POLA2: variants seen among roughly 807,000 people sequenced by gnomAD.
The protein encoded by POLA2 is DNA polymerase alpha 2, accessory subunit.
Under a neutral mutation model 82.8 loss-of-function variants are expected in POLA2, and 47 were observed. The observed-to-expected ratio is 0.57, with a 90% CI of 0.45 to 0.72. The LOEUF (loss-of-function observed/expected upper bound fraction) is 0.72. Ranked by LOEUF, POLA2 falls within the 30% of genes least tolerant of loss-of-function variation. The pLI, the probability that POLA2 is intolerant of heterozygous loss-of-function variation, is 0.00. For synonymous variants in POLA2, 287 were observed against 286.8 expected (o/e 1.00, Z -0.01); for missense variants, 634 against 728.1 (o/e 0.87, Z 1.49).
At chr11:65,281,775 C>G (rs763877979) in intron 9 of POLA2, 43 bp downstream of exon 9, 1 of 1,447,626 alleles carries the variant, frequency 6.9e-7, no homozygotes, top group South Asian at 1.1e-5. Context: ...TTGCTTCAGA[C>G]AAAGTATGTC....
At chr11:65,296,167 G>C in intron 17 of POLA2, 177 bp downstream of exon 17, 1 of 661,824 alleles carries the variant, frequency 1.5e-6, no homozygotes, top group Non-Finnish European at 2.7e-6. Flanking sequence ...AAACAACTCT[G>C]TCAGTAAAAT....
intron 13 of POLA2, among the ~76,000 whole-genome samples, chr11:65,292,679 C>G (rs913649092): frequency 6.6e-6 from 1 of 152,170 alleles, no homozygotes; most frequent in African/African-American, 2.4e-5. Context: ...ATGCAAACAC[C>G]TTTGGTCTCA....
chr11:65,287,748 G>A lies in POLA2; in HGVS notation c.1039G>A (p.Gly347Arg), dbSNP rs1424137321. 3 of 1,613,526 alleles carry A rather than the reference G, an allele frequency of 1.9e-6. No homozygotes were observed. In the African/African-American group the frequency reaches 4.0e-5, roughly 22 times the overall value. The change falls in exon 11 of 18, where the codon GGA (glycine) becomes AGA (arginine). Residue 347 changes from glycine (G) to arginine (R), a missense_variant. Transcript: ENST00000265465. The stretch of plus-strand genomic sequence containing the variant: ...GCAAAGCATGGTCCTGGTTGCCTGT[G>A]GACCATACACCACATCTGACAGCAT... ...FEQSMVLVACGPYTTSDSITY... is the reference protein window; with the variant it reads ...FEQSMVLVACRPYTTSDSITY...
chr11:65,287,312 C>G (rs1949707011), intron 10 of POLA2, among the ~76,000 whole-genome samples: 1 of 152,216 alleles, frequency 6.6e-6, no homozygotes, highest in African/African-American at 2.4e-5. Context: ...TCCAGCCACA[C>G]TGGACGACCA....
In POLA2 at chr11:65,295,536, C is replaced by T. The variant is rs539510071; in HGVS notation, c.1461-4C>T. ...CTGTTTTCATGCTTTCTTTTCTTTC[C>T]CAGTTCTTCCGGAACTTCAGACAGA... On this transcript the variant is annotated splice_region_variant and splice_polypyrimidine_tract_variant and intron_variant, in intron 15 of 17. Coordinates refer to ENST00000265465, the MANE Select transcript of POLA2 (RefSeq NM_002689.4). 2 of 1,613,074 alleles carry T rather than the reference C, an allele frequency of 1.2e-6. No homozygotes were observed. The highest frequency in any genetic ancestry group is 3.3e-5 in the Admixed American group (2 of 60,016).
chr11:65,272,596 A>G (rs1315900724), intron 4 of POLA2, among the ~76,000 whole-genome samples: 1 of 152,164 alleles, frequency 6.6e-6, no homozygotes, highest in African/African-American at 2.4e-5. Flanking sequence ...TGGCAATTAT[A>G]TTTCTAGTAA....
chr11:65,278,983 T>C, intron 6 of POLA2, 60 bp downstream of exon 6: 1 of 1,464,570 alleles, frequency 6.8e-7, no homozygotes, highest in Non-Finnish European at 9.3e-7. Flanking sequence ...GGGTGTAGAG[T>C]AACAAAGCTT....
chr11:65,274,150 G>T (rs760062288), intron 4 of POLA2, among the ~76,000 whole-genome samples: 1 of 151,868 alleles, frequency 6.6e-6, no homozygotes, highest in Non-Finnish European at 1.5e-5. Context: ...TCAGGAGTTC[G>T]AGACCAGCCT....
Position 65,305,228 on chromosome 11 carries a change from C to T in POLA2, c.657-145C>T, listed in dbSNP as rs183993673. The T allele has an allele frequency of 8.8e-4, 346 of 392,576 alleles. 5 individuals are homozygous for T. The highest frequency in any genetic ancestry group is 5.9e-3 in the South Asian group (310 of 52,312). The allele number at this position is 392,576 out of a possible 1,614,324, so 24.3% of individuals were successfully genotyped here. ...CCAGGCCCCCCTCTCCAAAGCTGCC[C>T]GGCACCACCTCTGCAGAAATTCTGC... On this transcript the variant is annotated intron_variant, in intron 8 of 8. Coordinates refer to the POLA2 transcript ENST00000525924.
chr11:65,271,529 A>G (rs2137510684), intron 4 of POLA2, among the ~76,000 whole-genome samples: 1 of 152,300 alleles, frequency 6.6e-6, no homozygotes, highest in African/African-American at 2.4e-5. Flanking sequence ...CATTCCTGCT[A>G]TGGAAATACT....
At chr11:65,291,445 G>C (rs192661683) in intron 13 of POLA2, among the ~76,000 whole-genome samples, 2 of 152,306 alleles carry the variant, frequency 1.3e-5, no homozygotes, top group East Asian at 3.9e-4. Flanking sequence ...TGACAACCAT[G>C]TCTGGTTCTG....
At chr11:65,270,506 C>A (rs596925) in intron 4 of POLA2, among the ~76,000 whole-genome samples, 1 of 152,126 alleles carries the variant, frequency 6.6e-6, no homozygotes, top group Non-Finnish European at 1.5e-5. Flanking sequence ...ATTGGAGAGA[C>A]TATAACTCAT....
At position 65,280,713 on chromosome 11, in the gene POLA2, A is replaced by G. The variant is rs1444147639; in HGVS notation, c.745-279A>G. ...GTGGTGAGGACAGGGTGGGGTAGGC[A>G]TCCAGGGGCAAGTTCCCCTACACTA... is the stretch of plus-strand genomic sequence containing the variant. On this transcript the variant is annotated intron_variant, in intron 7 of 17. Transcript: ENST00000265465. 7 of 414,710 alleles carry G rather than the reference A, an allele frequency of 1.7e-5. No individual in the cohort carries two copies. The East Asian group carries it at 3.3e-4, about 20-fold the overall frequency. 25.7% of individuals were successfully genotyped at this position (414,710 alleles called of 1,614,324 possible). A position where few individuals can be genotyped will look rare whatever the true frequency, so the allele number is the denominator to read the frequency against.
Position 65,262,141 on chromosome 11 carries a change from A to T in POLA2, c.-152A>T. The T allele has an allele frequency of 1.6e-6, 1 of 625,932 alleles. No homozygotes were observed. The highest frequency in any genetic ancestry group is 2.9e-6 in the Non-Finnish European group (1 of 348,636). 38.8% of individuals were successfully genotyped at this position (625,932 alleles called of 1,614,324 possible). ...ACGGCCGGGGCCTTCTGACGGTCTG[A>T]GGTCTTGCTTGGGCCAGTCACCTCC... On this transcript the variant is annotated 5_prime_UTR_variant, in exon 1 of 18. Coordinates refer to ENST00000265465, the MANE Select transcript of POLA2 (RefSeq NM_002689.4).
intron 10 of POLA2, among the ~76,000 whole-genome samples, chr11:65,284,098 C>A (rs949400238): frequency 6.6e-6 from 1 of 151,634 alleles, no homozygotes; most frequent in African/African-American, 2.4e-5. Flanking sequence ...CATGCCACTG[C>A]ACTTCAGCAT....
At chr11:65,271,309 G>A (rs79988373) in intron 4 of POLA2, among the ~76,000 whole-genome samples, 1,568 of 152,138 alleles carry the variant, frequency 0.01, 29 homozygotes, top group African/African-American at 0.036. Context: ...AATACCAATG[G>A]GACCACCACG....
chr11:65,275,366 C>CA (rs760641138), intron 4 of POLA2, among the ~76,000 whole-genome samples: 8,571 of 85,514 alleles, frequency 0.1, 448 homozygotes, highest in East Asian at 0.33. Context: ...GTTGATGAGT[C>CA]AAAAAAAAAA....
At chr11:65,280,171 A>G (rs1949625413) in intron 7 of POLA2, among the ~76,000 whole-genome samples, 1 of 152,238 alleles carries the variant, frequency 6.6e-6, no homozygotes, top group African/African-American at 2.4e-5. Flanking sequence ...GTCAATGTTT[A>G]CATTCAAAGA....
At position 65,287,807 on chromosome 11, in the gene POLA2, C is replaced by T. The variant is rs1287267825; in HGVS notation, c.1098C>T (p.Val366=). 2 of 1,613,920 alleles carry T rather than the reference C, an allele frequency of 1.2e-6. No homozygotes were observed. The highest frequency in any genetic ancestry group is 1.3e-5 in the African/African-American group (1 of 74,992). The change falls in exon 11 of 18, where the codon GTC becomes GTT. Residue 366 remains valine (V), a synonymous_variant. Coordinates refer to ENST00000265465, the MANE Select transcript of POLA2 (RefSeq NM_002689.4). ...TYDPLLDLIA[V]INHDRPDVCI... ...ACCCCCTGCTTGACCTGATTGCTGT[C>T]ATCAACCATGACCGGCCAGATGTCT...
Sources: gnomAD v4.1 joint callset for allele counts (sites outside exome capture counted in the v4.1 genomes callset) on GRCh38, gnomAD v4.1.1 for gene constraint, MANE v1.5 for transcripts, NCBI Gene and HGNC (gene_info 2026-07-23, HGNC 2026-07-21) for gene names.